The following CNTN6 variants were observed in gnomAD, a reference collection of about 807,000 sequenced individuals.
The protein encoded by CNTN6 is contactin-6.
Under a neutral mutation model 122.8 loss-of-function variants are expected in CNTN6, and 137 were observed. The observed-to-expected ratio is 1.12, with a 90% CI of 0.97 to 1.29. The LOEUF (loss-of-function observed/expected upper bound fraction) is 1.29, where lower values mean the gene tolerates loss of function less well. Among genes scored for constraint, CNTN6 ranks in the 50% most tolerant of loss-of-function variants. The probability of loss-of-function intolerance (pLI) is 0.00; values close to 1 mark genes in which losing one functional copy is unlikely to be tolerated. For synonymous variants in CNTN6, 570 were observed against 426.0 expected (o/e 1.34, Z -4.16); for missense variants, 1,634 against 1,223.4 (o/e 1.34, Z -5.01).
intron 4 of CNTN6, among the ~76,000 whole-genome samples, chr3:1,274,411 G>A (rs1198001867): frequency 6.6e-6 from 1 of 152,192 alleles, no homozygotes; most frequent in African/African-American, 2.4e-5. Context: ...GCTAATGACT[G>A]CTGATTGAGA....
At chr3:1,272,934 TG>T (rs2095050162) in intron 4 of CNTN6, among the ~76,000 whole-genome samples, 1 of 152,234 alleles carries the variant, frequency 6.6e-6, no homozygotes, top group African/African-American at 2.4e-5. Flanking sequence ...TGGTGGCCCT[TG>T]TCCCTCCCTT....
chr3:1,133,451 T>C (rs2092391129), intron 1 of CNTN6, among the ~76,000 whole-genome samples: 2 of 152,186 alleles, frequency 1.3e-5, no homozygotes, highest in South Asian at 4.1e-4. Flanking sequence ...ATGTGGAAAG[T>C]AGCTACCATT....
intron 20 of CNTN6, among the ~76,000 whole-genome samples, chr3:1,393,365 C>T (rs1334931982): frequency 1.7e-5 from 2 of 119,192 alleles, no homozygotes; most frequent in Non-Finnish European, 3.4e-5. Context: ...AATGAGATCA[C>T]ATGGACACAG....
intron 7 of CNTN6, among the ~76,000 whole-genome samples, chr3:1,309,320 A>T (rs1330361760): frequency 6.6e-6 from 1 of 152,142 alleles, no homozygotes; most frequent in Non-Finnish European, 1.5e-5. Context: ...GAAAGATATG[A>T]CTTCTGGGTC....
intron 11 of CNTN6, among the ~76,000 whole-genome samples, chr3:1,343,518 G>T (rs367760329): frequency 3.3e-5 from 5 of 152,006 alleles, no homozygotes; most frequent in African/African-American, 1.2e-4. Context: ...TCTGTTAGGG[G>T]ACTGAATTGA....
At position 1,158,941 on chromosome 3, in the gene CNTN6, CAT is replaced by C. The variant is rs1168546445; in HGVS notation, c.55+10890_55+10891del. On this transcript the variant is annotated intron_variant, in intron 2 of 22. Coordinates refer to ENST00000446702, the MANE Select transcript of CNTN6 (RefSeq NM_001289080.2). ...ACACATATATATATATACACACACACATATATATATATACACACACACACACA... is the reference window on the plus strand; with the variant it reads ...ACACATATATATATATACACACACACATATATATATACACACACACACACA... 5.9e-4 allele frequency among the ~76,000 whole-genome samples: 66 copies of C among 112,404 alleles called. 3 individuals carry two copies. Among genetic ancestry groups the C allele is most frequent in the African/African-American group, 1.5e-3 (41 of 27,388 alleles). The allele number at this position is 112,404 out of a possible 152,430, so 73.7% of individuals were successfully genotyped here.
At chr3:1,176,497 A>C (rs932328416) in intron 2 of CNTN6, among the ~76,000 whole-genome samples, 4 of 152,164 alleles carry the variant, frequency 2.6e-5, no homozygotes, top group Admixed American at 6.5e-5. Flanking sequence ...ACTAGCATGC[A>C]ACGGTGATGG....
At chr3:1,251,910 C>T (rs533898112) in intron 4 of CNTN6, among the ~76,000 whole-genome samples, 2 of 152,222 alleles carry the variant, frequency 1.3e-5, no homozygotes, top group South Asian at 4.1e-4. Flanking sequence ...GTCCCTGAGC[C>T]AGGATGGACT....
At chr3:1,249,790 C>A (rs534464531) in intron 4 of CNTN6, among the ~76,000 whole-genome samples, 5 of 152,104 alleles carry the variant, frequency 3.3e-5, no homozygotes, top group Non-Finnish European at 7.4e-5. Context: ...AGGGTATGTC[C>A]CTTGAGCACA....
chr3:1,103,697 A>G (rs1344500726), intron 1 of CNTN6, among the ~76,000 whole-genome samples: 1 of 152,184 alleles, frequency 6.6e-6, no homozygotes. Context: ...ACAAGACACA[A>G]TGCCTGAGCC....
Position 1,220,712 on chromosome 3 carries a change from T to G in CNTN6, c.81T>G (p.Ile27Met). ...SAGDGLLSRP[I>M]FTQEPHDVIF... ...GTGATGGTCTTTTAAGCCGTCCTAT[T>G]TTTACTCAGGAGCCACATGATGTCA... The change falls in exon 3 of 23, where the codon ATT becomes ATG. Residue 27 changes from isoleucine (I) to methionine (M), a missense_variant. Transcript: ENST00000446702. 1 of 1,612,830 alleles carries G rather than the reference T, an allele frequency of 6.2e-7. No homozygotes were observed. The highest frequency in any genetic ancestry group is 8.5e-7 in the Non-Finnish European group (1 of 1,179,508).
At chr3:1,121,303 C>T (rs528538769) in intron 1 of CNTN6, among the ~76,000 whole-genome samples, 1 of 151,926 alleles carries the variant, frequency 6.6e-6, no homozygotes, top group Admixed American at 6.6e-5. Flanking sequence ...TAGAACTAAT[C>T]ATTACAAGTT....
At chr3:1,115,051 C>A (rs2091655551) in intron 1 of CNTN6, among the ~76,000 whole-genome samples, 1 of 152,204 alleles carries the variant, frequency 6.6e-6, no homozygotes, top group African/African-American at 2.4e-5. Context: ...AATTGAGCTG[C>A]AGGAGCAGCA....
At chr3:1,312,858 C>A in intron 7 of CNTN6, among the ~76,000 whole-genome samples, 1 of 150,834 alleles carries the variant, frequency 6.6e-6, no homozygotes. Context: ...GGCATATTAC[C>A]CAAACTATCC....
rs777804368 is a variant in CNTN6 at position 1,295,655 on chromosome 3, A to G, written c.509A>G (p.Asn170Ser). The change falls in exon 6 of 23, where the codon AAT (asparagine) becomes AGT (serine). Residue 170 changes from asparagine to serine, a missense_variant. By Grantham distance (46) the Asn-to-Ser change is conservative (BLOSUM62 1). Coordinates refer to ENST00000446702, the MANE Select transcript of CNTN6 (RefSeq NM_001289080.2). Reference protein sequence around the residue: ...NDNPLYVQEDNRRFVSQETGN... With the variant: ...NDNPLYVQEDSRRFVSQETGN... ...AACCCCTTATACGTCCAAGAGGACA[A>G]TAGGCGATTTGTATCTCAAGAGACG... 2 of 1,613,988 alleles carry G rather than the reference A, an allele frequency of 1.2e-6. No homozygotes were observed. The highest frequency in any genetic ancestry group is 1.1e-5 in the South Asian group (1 of 91,086).
chr3:1,113,087 T>G (rs1329535253), intron 1 of CNTN6, among the ~76,000 whole-genome samples: 1 of 152,172 alleles, frequency 6.6e-6, no homozygotes, highest in African/African-American at 2.4e-5. Context: ...CCTCAGGCTC[T>G]GACGTCTCTT....
At chr3:1,299,939 A>G (rs1696904570) in intron 7 of CNTN6, among the ~76,000 whole-genome samples, 1 of 152,168 alleles carries the variant, frequency 6.6e-6, no homozygotes, top group Non-Finnish European at 1.5e-5. Context: ...TATGTAATAA[A>G]TGCTCACTGA....
chr3:1,166,579 C>A (rs1234540826), intron 2 of CNTN6, among the ~76,000 whole-genome samples: 1 of 152,064 alleles, frequency 6.6e-6, no homozygotes, highest in Admixed American at 6.6e-5. Context: ...ACAGATGCTA[C>A]TGGGGAAGGA....
chr3:1,121,572 G>A (rs1417493747), intron 1 of CNTN6, among the ~76,000 whole-genome samples: 1 of 151,830 alleles, frequency 6.6e-6, no homozygotes, highest in Non-Finnish European at 1.5e-5. Context: ...TCACTTGCCT[G>A]TATTCTTTTG....
Sources: allele counts gnomAD v4.1 joint callset (sites outside exome capture counted in the v4.1 genomes callset), GRCh38; gene constraint gnomAD v4.1.1; transcripts MANE v1.5; gene names NCBI Gene and HGNC (gene_info 2026-07-23, HGNC 2026-07-21).